Variants in NFIB observed in about 807,000 individuals in gnomAD.
The protein encoded by NFIB is nuclear factor 1 B-type.
In NFIB, 11 loss-of-function variants were observed where a neutral mutation model predicts 61.5. That is an observed-to-expected ratio of 0.18 (90% CI 0.11 to 0.30). The LOEUF (loss-of-function observed/expected upper bound fraction) is 0.30. Ranked by LOEUF, NFIB falls within the 10% of genes least tolerant of loss-of-function variation. The pLI is 1.00. For synonymous variants in NFIB, 260 were observed against 216.5 expected (o/e 1.20, Z -1.76); for missense variants, 471 against 608.9 (o/e 0.77, Z 2.38).
the NFIB span, among the ~76,000 whole-genome samples, chr9:14,473,706 C>T: frequency 1.2e-4 from 18 of 152,206 alleles, no homozygotes; most frequent in Non-Finnish European, 5.9e-5. Flanking sequence ...AAGGCATTTG[C>T]GACACCTGAA....
chr9:14,512,682 T>G, the NFIB span, among the ~76,000 whole-genome samples: 3 of 89,542 alleles, frequency 3.4e-5, no homozygotes, highest in African/African-American at 9.7e-5. Context: ...CGTCTTGTAC[T>G]CTTATTTATA....
chr9:14,429,129 C>A, the NFIB span, among the ~76,000 whole-genome samples: 1 of 152,152 alleles, frequency 6.6e-6, no homozygotes, highest in Non-Finnish European at 1.5e-5. Context: ...CAGCTGCTGC[C>A]AATCAGAGTG....
chr9:14,492,232 G>A, the NFIB span, among the ~76,000 whole-genome samples: 1 of 151,854 alleles, frequency 6.6e-6, no homozygotes, highest in Non-Finnish European at 1.5e-5. Context: ...GCGTGGTGGT[G>A]GGCACCTGTA....
At chr9:14,160,492 A>T (rs1023370377) in intron 3 of NFIB, among the ~76,000 whole-genome samples, 2 of 152,156 alleles carry the variant, frequency 1.3e-5, no homozygotes, top group Admixed American at 1.3e-4. Flanking sequence ...GTCTTCAAGT[A>T]TTCGAAGGAC....
chr9:14,466,168 A>T, the NFIB span, among the ~76,000 whole-genome samples: 2 of 152,158 alleles, frequency 1.3e-5, no homozygotes, highest in African/African-American at 4.8e-5. Flanking sequence ...TGAAGAAAGG[A>T]AACACTGTCA....
At chr9:14,363,206 C>T (rs1361421365) in intron 1 of NFIB, among the ~76,000 whole-genome samples, 1 of 152,042 alleles carries the variant, frequency 6.6e-6, no homozygotes, top group African/African-American at 2.4e-5. Context: ...TTTACGGACA[C>T]TCCCTCACCC....
At chr9:14,322,660 C>A (rs1177872939) in intron 1 of NFIB, among the ~76,000 whole-genome samples, 1 of 151,876 alleles carries the variant, frequency 6.6e-6, no homozygotes, top group East Asian at 1.9e-4. Context: ...GGAAGGAAAC[C>A]GAAAGGAGGA....
At position 14,292,331 on chromosome 9, in the gene NFIB, G is replaced by A. The variant is rs528557370; in HGVS notation, c.562+14658C>T. On this transcript the variant is annotated intron_variant, in intron 2 of 10. Transcript: ENST00000380953. Reference sequence around the variant, plus strand: ...TAAAGACCTCTTTCTTAAAAAGTAAGCTTTTATCTACATTGAACCAAATGA... The same window carrying A: ...TAAAGACCTCTTTCTTAAAAAGTAAACTTTTATCTACATTGAACCAAATGA... 4.9e-3 allele frequency among the ~76,000 whole-genome samples: 749 copies of A among 152,138 alleles called. 5 individuals are homozygous for A. The highest frequency in any genetic ancestry group is 7.1e-3 in the Non-Finnish European group (480 of 67,994).
chr9:14,498,822 C>T, the NFIB span, among the ~76,000 whole-genome samples: 4 of 87,068 alleles, frequency 4.6e-5, no homozygotes, highest in African/African-American at 6.8e-5. Flanking sequence ...TCCCTTCCTC[C>T]CTTCCTCCCT....
At chr9:14,295,607 G>C (rs114603458) in intron 2 of NFIB, among the ~76,000 whole-genome samples, 14 of 151,218 alleles carry the variant, frequency 9.3e-5, no homozygotes, top group South Asian at 4.2e-4. Flanking sequence ...CTCCAGCCTG[G>C]GCTACCCAGC....
chr9:14,370,373 G>A (rs1161863139), intron 1 of NFIB, among the ~76,000 whole-genome samples: 2 of 152,116 alleles, frequency 1.3e-5, no homozygotes, highest in South Asian at 2.1e-4. Context: ...CCCAACACAA[G>A]GGTAGTTAAC....
At chr9:14,150,591 A>G (rs2042757802) in intron 4 of NFIB, among the ~76,000 whole-genome samples, 1 of 152,122 alleles carries the variant, frequency 6.6e-6, no homozygotes, top group Admixed American at 6.6e-5. Flanking sequence ...GCCTTGGAGG[A>G]AACAGAATAT....
rs186179012 is a variant in NFIB at position 14,300,196 on chromosome 9, C to T, written c.562+6793G>A. On this transcript the variant is annotated intron_variant, in intron 2 of 10. Transcript: ENST00000380953. ...AATGAGACAACATACCACGTTGCCA[C>T]AGAAAAGTGAGCATGATCAGAAGGA... 233 of 398,508 alleles carry T rather than the reference C, an allele frequency of 5.8e-4. No homozygotes were observed. Among genetic ancestry groups the T allele is most frequent in the African/African-American group, 4.0e-3 (193 of 48,728 alleles). The allele number at this position is 398,508 out of a possible 1,614,324, so 24.7% of individuals were successfully genotyped here. A position where few individuals can be genotyped will look rare whatever the true frequency, so the allele number is the denominator to read the frequency against.
rs778882699 is a variant in NFIB at position 14,150,219 on chromosome 9, G to T, written c.732C>A (p.Ile244=). ...TGTCATGATAGTATGGTTGGCTTGG[G>T]ATTTCTCCAATTGGGAAGTTGACTC... is the stretch of plus-strand genomic sequence containing the variant. ...GTGVNFPIGE[I]PSQPYYHDMN... Residue 244 remains isoleucine (I), a synonymous_variant, in exon 5 of 11, where the codon ATC becomes ATA. Transcript: ENST00000380953. 6.2e-7 allele frequency: 1 copy of T among 1,613,496 alleles called. No homozygotes were observed. Among genetic ancestry groups the T allele is most frequent in the Non-Finnish European group, 8.5e-7 (1 of 1,179,562 alleles).
the NFIB span, among the ~76,000 whole-genome samples, chr9:14,519,842 T>G: frequency 3.3e-5 from 5 of 152,236 alleles, no homozygotes; most frequent in African/African-American, 9.6e-5. Context: ...ATTTGGGAGT[T>G]GAGCCCAGAT....
chr9:14,495,508 T>C, the NFIB span, among the ~76,000 whole-genome samples: 2 of 147,046 alleles, frequency 1.4e-5, no homozygotes, highest in Admixed American at 7.1e-5. Context: ...TGCTGGACTA[T>C]GTGGACTGGT....
chr9:14,191,070 G>A (rs1389931415), intron 2 of NFIB, among the ~76,000 whole-genome samples: 1 of 151,220 alleles, frequency 6.6e-6, no homozygotes, highest in Non-Finnish European at 1.5e-5. Context: ...GTGGGTGCCT[G>A]TAGTCCCAGC....
At chr9:14,116,920 G>T (rs1472169132) in intron 8 of NFIB, among the ~76,000 whole-genome samples, 1 of 152,078 alleles carries the variant, frequency 6.6e-6, no homozygotes, top group East Asian at 1.9e-4. Flanking sequence ...TTACACACAG[G>T]TGTGCTGAGA....
At chr9:14,314,244 C>T (rs1363760958), upstream of NFIB, 6 of 766,960 alleles carry the variant, frequency 7.8e-6, no homozygotes, top group South Asian at 3.6e-4. Context: ...GAGCGCTGAT[C>T]TCTGGGGCGG....
Sources: allele counts gnomAD v4.1 joint callset (sites outside exome capture counted in the v4.1 genomes callset), GRCh38; gene constraint gnomAD v4.1.1; transcripts MANE v1.5; gene names NCBI Gene and HGNC (gene_info 2026-07-23, HGNC 2026-07-21).